The following CYP24A1 variants were observed in gnomAD, a reference collection of about 807,000 sequenced individuals.
The protein encoded by CYP24A1 is 1,25-dihydroxyvitamin D(3) 24-hydroxylase, mitochondrial.
Under a neutral mutation model 62.4 loss-of-function variants are expected in CYP24A1, and 68 were observed. The ratio of observed to expected loss-of-function variants is 1.09; its 90% CI spans 0.90 to 1.33. The LOEUF (loss-of-function observed/expected upper bound fraction) is 1.33. Ranked by LOEUF, CYP24A1 falls within the 40% of genes most tolerant of loss-of-function variation. The probability of loss-of-function intolerance (pLI) is 0.00; values close to 1 mark genes in which losing one functional copy is unlikely to be tolerated. For synonymous variants in CYP24A1, 267 were observed against 253.0 expected (o/e 1.06, Z -0.52); for missense variants, 787 against 653.0 (o/e 1.21, Z -2.24).
the CYP24A1 span, among the ~76,000 whole-genome samples, chr20:54,147,905 C>T: frequency 6.6e-6 from 1 of 152,050 alleles, no homozygotes; most frequent in Non-Finnish European, 1.5e-5. Context: ...GGGATCTTGG[C>T]TCACTGCAAC....
chr20:54,148,552 G>A (rs547934218), downstream of CYP24A1, among the ~76,000 whole-genome samples: 10 of 152,028 alleles, frequency 6.6e-5, no homozygotes, highest in African/African-American at 1.9e-4. Context: ...ATGATTCCAC[G>A]GTGGGGCAGG....
At position 54,173,801 on chromosome 20, in the gene CYP24A1, C is replaced by T. The variant is rs962369138; in HGVS notation, c.-222G>A. On this transcript the variant is annotated 5_prime_UTR_variant, in exon 1 of 12. Coordinates refer to ENST00000216862, the MANE Select transcript of CYP24A1 (RefSeq NM_000782.5). This position sits in a 1 kb window ranked among gnomAD's most constrained non-coding sequence, Gnocchi z 7.2. ...GACAGCCTCAGAGCATTGGTGCCTCCTTGCACTGGCCGCAGGGGCTGGAAG... is the reference window on the plus strand; with the variant it reads ...GACAGCCTCAGAGCATTGGTGCCTCTTTGCACTGGCCGCAGGGGCTGGAAG... 1.5e-5 allele frequency: 9 copies of T among 590,078 alleles called. No homozygotes were observed. In the African/African-American group the frequency reaches 1.7e-4, roughly 11 times the overall value. 36.6% of individuals were successfully genotyped at this position (590,078 alleles called of 1,614,324 possible). A position where few individuals can be genotyped will look rare whatever the true frequency, so the allele number is the denominator to read the frequency against.
chr20:54,162,849 G>C lies in CYP24A1; in HGVS notation c.858C>G (p.Ile286Met), dbSNP rs201825042. ...GAGAATACTTCTCTAACCGGTTGTC[G>C]ATACAAGCTTTGACTATTAGAGCAG... ...DTIFKSVKAC[I>M]DNRLEKYSQQ... Residue 286 changes from isoleucine (I) to methionine (M), a missense_variant, in exon 7 of 12, where the codon ATC becomes ATG. Coordinates refer to ENST00000216862, the MANE Select transcript of CYP24A1 (RefSeq NM_000782.5). The C allele has an allele frequency of 1.3e-6, 2 of 1,575,650 alleles. No homozygotes were observed. The highest frequency in any genetic ancestry group is 1.7e-6 in the Non-Finnish European group (2 of 1,145,228).
At position 54,173,508 on chromosome 20, in the gene CYP24A1, G is replaced by T; in HGVS notation, c.72C>A (p.Pro24=). ...ACGCCGTAGATGTCACCAGTCTCGG[G>T]GGCTGCCTCGGACTGCGCAGCTGCT... is the stretch of plus-strand genomic sequence containing the variant. The part of the protein sequence containing the change: ...FLQQLRSPRQ[P]PRLVTSTAYT... Residue 24 remains proline, a synonymous_variant, in exon 1 of 12, where the codon CCC becomes CCA. Transcript: ENST00000216862. This position sits in a 1 kb window ranked among gnomAD's most constrained non-coding sequence, Gnocchi z 7.2. The T allele has an allele frequency of 6.4e-7, 1 of 1,568,446 alleles. No individual in the cohort carries two copies. Among genetic ancestry groups the T allele is most frequent in the East Asian group, 2.3e-5 (1 of 42,586 alleles).
intron 4 of CYP24A1, 75 bp downstream of exon 4, chr20:54,169,517 A>G: frequency 6.2e-7 from 1 of 1,608,916 alleles, no homozygotes; most frequent in Non-Finnish European, 8.5e-7. Flanking sequence ...TTTACAAAAG[A>G]GTTGTCAAAA....
At chr20:54,171,418 G>A (rs2092693338) in intron 3 of CYP24A1, among the ~76,000 whole-genome samples, 159 bp downstream of exon 3, 1 of 152,134 alleles carries the variant, frequency 6.6e-6, no homozygotes, top group African/African-American at 2.4e-5. Context: ...TTGGTGGGGA[G>A]GAGGCTGTAG....
intron 3 of CYP24A1, among the ~76,000 whole-genome samples, chr20:54,171,301 A>G (rs928154224): frequency 6.6e-6 from 1 of 152,162 alleles, no homozygotes; most frequent in Non-Finnish European, 1.5e-5. Flanking sequence ...GGGAGTGGAA[A>G]GCTGGGGTTC....
chr20:54,161,331 C>T (rs1269768389), intron 7 of CYP24A1, among the ~76,000 whole-genome samples: 1 of 152,156 alleles, frequency 6.6e-6, no homozygotes. Flanking sequence ...TCCCTTTAAT[C>T]ATCTCCATCT....
At position 54,157,320 on chromosome 20, in the gene CYP24A1, T is replaced by C. The variant is rs2092632243; in HGVS notation, c.1435-31A>G. The C allele has an allele frequency of 2.7e-6, 4 of 1,474,622 alleles. No homozygotes were observed. The East Asian group carries it at 9.0e-5, about 33-fold the overall frequency. 91.3% of individuals were successfully genotyped at this position (1,474,622 alleles called of 1,614,324 possible). A position where few individuals can be genotyped will look rare whatever the true frequency, so the allele number is the denominator to read the frequency against. ...ATGCACACGCACACAAAAACAGAAT[T>C]ACCCCTCTCTTCTTCTGCCTTGTGA... On this transcript the variant is annotated intron_variant, in intron 10 of 11. Transcript: ENST00000216862.
At chr20:54,167,947 C>T (rs989512380) in intron 4 of CYP24A1, among the ~76,000 whole-genome samples, 49 of 152,190 alleles carry the variant, frequency 3.2e-4, no homozygotes, top group Non-Finnish European at 5.7e-4. Context: ...CCGCAGCTCC[C>T]GGTTACTTAC....
intron 11 of CYP24A1, among the ~76,000 whole-genome samples, chr20:54,155,760 T>C (rs969459506): frequency 4.9e-5 from 7 of 142,240 alleles, no homozygotes; most frequent in African/African-American, 1.8e-4. Context: ...AAAAAAAAAA[T>C]TAGGGCCTTC....
At chr20:54,166,754 G>A (rs55972874) in intron 4 of CYP24A1, among the ~76,000 whole-genome samples, 14,138 of 151,804 alleles carry the variant, frequency 0.093, 2,237 homozygotes, top group African/African-American at 0.32. Flanking sequence ...ACACAGGGCC[G>A]AGCGTGGTGG....
In CYP24A1 at chr20:54,153,912, T is replaced by C. The variant is rs2092617748; in HGVS notation, c.*860A>G. ...AAAATTATGGCATGGGAAATCATTT[T>C]ATAATATTAAAGTCACACTGAATGT... is the stretch of plus-strand genomic sequence containing the variant. On this transcript the variant is annotated 3_prime_UTR_variant, in exon 12 of 12. Transcript: ENST00000216862. 1 of 152,500 alleles carries C rather than the reference T, an allele frequency of 6.6e-6. No homozygotes were observed. The highest frequency in any genetic ancestry group is 2.4e-5 in the African/African-American group (1 of 41,466). 9.4% of individuals were successfully genotyped at this position (152,500 alleles called of 1,614,324 possible).
the CYP24A1 span, among the ~76,000 whole-genome samples, chr20:54,147,365 A>G: frequency 6.6e-6 from 1 of 152,208 alleles, no homozygotes. Flanking sequence ...AAATTCATAG[A>G]TTTCTAGAAC....
At chr20:54,172,661 G>C in intron 2 of CYP24A1, 3 of 773,140 alleles carry the variant, frequency 3.9e-6, no homozygotes, top group South Asian at 3.8e-5. Context: ...TTTGATGGGA[G>C]GGTGTGGCCC....
In CYP24A1 at chr20:54,162,818, G is replaced by A; in HGVS notation, c.889C>T (p.Pro297Ser). ...ATGTCACAAAGGAAATCTGCACTAG[G>A]CTGCTGAGAATACTTCTCTAACCGG... ...DNRLEKYSQQPSADFLCDIYH... is the reference protein window; with the variant it reads ...DNRLEKYSQQSSADFLCDIYH... The change falls in exon 7 of 12, where the codon CCT (proline) becomes TCT (serine). Residue 297 changes from proline to serine, a missense_variant. By Grantham distance (74) the Pro-to-Ser change is moderately conservative. Transcript: ENST00000216862. The A allele has an allele frequency of 3.9e-6, 6 of 1,553,040 alleles. No homozygotes were observed. The highest frequency in any genetic ancestry group is 5.3e-6 in the Non-Finnish European group (6 of 1,124,476).
downstream of CYP24A1, among the ~76,000 whole-genome samples, chr20:54,153,080 T>A (rs1298706449): frequency 6.6e-6 from 1 of 152,154 alleles, no homozygotes; most frequent in East Asian, 1.9e-4. Context: ...TCGTAACCTC[T>A]ACCTGACTGC....
intron 2 of CYP24A1, 185 bp from the exon 3 acceptor site, chr20:54,171,855 G>A: frequency 1.4e-6 from 2 of 1,386,986 alleles, no homozygotes; most frequent in Non-Finnish European, 1.9e-6. Flanking sequence ...TTTGACAATA[G>A]TTTGACAATA....
downstream of CYP24A1, among the ~76,000 whole-genome samples, chr20:54,150,212 C>G (rs2092610462): frequency 6.6e-6 from 1 of 152,170 alleles, no homozygotes; most frequent in Non-Finnish European, 1.5e-5. Flanking sequence ...TACCGTAACT[C>G]TAAGAAATTT....
Sources: allele counts gnomAD v4.1 joint callset (sites outside exome capture counted in the v4.1 genomes callset), GRCh38; gene constraint gnomAD v4.1.1; non-coding constraint Gnocchi (gnomAD v3.1); transcripts MANE v1.5; gene names NCBI Gene and HGNC (gene_info 2026-07-23, HGNC 2026-07-21).